Variants in DST observed in about 807,000 individuals in gnomAD.
DST encodes the protein bullous pemphigoid antigen.
DST carries 253 observed loss-of-function variants against 875.2 expected under a neutral mutation model. The ratio of observed to expected loss-of-function variants is 0.29; its 90% CI spans 0.26 to 0.32. The LOEUF is 0.32. Among genes scored for constraint, DST ranks in the 10% least tolerant of loss-of-function variants. The pLI is 1.00. For synonymous variants in DST, 3,124 were observed against 3,197.1 expected (o/e 0.98, Z 0.77); for missense variants, 8,287 against 9,111.6 (o/e 0.91, Z 3.68).
In DST at chr6:56,592,257, G is replaced by A. The variant is rs1315598819; in HGVS notation, c.12828C>T (p.Ala4276=). The part of the protein sequence containing the change: ...GLLAGLQACE[A]TASKHLSEPI... ...GTTCAGATAAGTGTTTGCTCGCTGT[G>A]GCCTCACAGGCCTGGAGTCCAGCAA... Residue 4276 remains alanine (A), a synonymous_variant, in exon 49 of 104, where the codon GCC becomes GCT. Coordinates refer to ENST00000680361, the MANE Select transcript of DST (RefSeq NM_001374736.1). 3 of 1,612,926 alleles carry A rather than the reference G, an allele frequency of 1.9e-6. No homozygotes were observed. Among genetic ancestry groups the A allele is most frequent in the African/African-American group, 2.7e-5 (2 of 74,888 alleles).
intron 4 of DST, among the ~76,000 whole-genome samples, chr6:56,834,054 C>G (rs760913254): frequency 6.6e-6 from 1 of 152,048 alleles, no homozygotes; most frequent in Non-Finnish European, 1.5e-5. Context: ...ATAGCAAGAC[C>G]CTGTCTCTAT....
At chr6:56,938,843 A>G (rs59797084) in intron 2 of DST, among the ~76,000 whole-genome samples, 31,591 of 152,186 alleles carry the variant, frequency 0.21, 3,642 homozygotes, top group Middle Eastern at 0.26. Flanking sequence ...GAGGAAAACC[A>G]TGAGTCAGCC....
intron 50 of DST, 149 bp from the exon 51 acceptor site, chr6:56,574,036 C>T (rs1562896732): frequency 7.2e-6 from 4 of 554,264 alleles, no homozygotes; most frequent in South Asian, 3.3e-5. Flanking sequence ...ATAATCAGAA[C>T]ACCACCTAAA....
At chr6:56,692,483 G>A (rs1182541038) in intron 9 of DST, 3 of 1,289,300 alleles carry the variant, frequency 2.3e-6, no homozygotes, top group Non-Finnish European at 2.0e-6. Flanking sequence ...GTTGCATGAG[G>A]GCAAAATCTC....
chr6:56,603,254 A>G lies in DST; in HGVS notation c.11108T>C (p.Val3703Ala), dbSNP rs1361803703. The G allele has an allele frequency of 2.5e-6, 4 of 1,608,640 alleles. No homozygotes were observed. Among genetic ancestry groups the G allele is most frequent in the East Asian group, 4.5e-5 (2 of 44,716 alleles). The change falls in exon 42 of 104, where the codon GTG becomes GCG. Residue 3703 changes from valine to alanine, a missense_variant. Val to Ala is a moderately conservative substitution (Grantham distance 64, BLOSUM62 0). Around this residue, in one of 10 missense-constraint regions of DST, gnomAD observed 3,138 missense variants for 3,116.6 expected, o/e 1.01. Coordinates refer to ENST00000680361, the MANE Select transcript of DST (RefSeq NM_001374736.1). ...GATCTGTTTCGTTCTTTCTGAAGAC[A>G]CGTTGCTGAGGGAAGAGAAGGCGGT... ...LKTAFSSLSN[V>A]SSERTKQIML... is the part of the protein sequence containing the mutation.
chr6:56,597,800 A>G lies in DST; in HGVS notation c.12135T>C (p.Asp4045=), dbSNP rs2098405870. ...GAGTGGTTCCAACTTGCCCATCAAC[A>G]TCAGTCTCCAACAGGTTACCATTAA... The part of the protein sequence containing the change: ...DEVNGNLLET[D]VDGQVGTTQE... The change falls in exon 47 of 104, where the codon GAT becomes GAC. Residue 4045 remains aspartate (D), a synonymous_variant. Coordinates refer to ENST00000680361, the MANE Select transcript of DST (RefSeq NM_001374736.1). 3 of 1,613,808 alleles carry G rather than the reference A, an allele frequency of 1.9e-6. No homozygotes were observed.
chr6:56,742,654 G>A (rs533174575), intron 4 of DST, among the ~76,000 whole-genome samples: 7 of 151,922 alleles, frequency 4.6e-5, no homozygotes, highest in East Asian at 3.9e-4. Flanking sequence ...GCAATGAGGC[G>A]AACCAATAGG....
At chr6:56,498,616 A>G (rs1266623767) in intron 80 of DST, among the ~76,000 whole-genome samples, 2 of 152,178 alleles carry the variant, frequency 1.3e-5, no homozygotes, top group Non-Finnish European at 2.9e-5. Context: ...TTTAATTCTC[A>G]TGTCAAGTAA....
intron 85 of DST, among the ~76,000 whole-genome samples, chr6:56,491,815 G>A (rs2095755614): frequency 6.6e-6 from 1 of 152,140 alleles, no homozygotes; most frequent in Non-Finnish European, 1.5e-5. Context: ...GATAGCTTGT[G>A]AAGAAAGTCT....
chr6:56,543,242 A>T (rs995099009), intron 61 of DST, among the ~76,000 whole-genome samples: 1 of 152,234 alleles, frequency 6.6e-6, no homozygotes, highest in Non-Finnish European at 1.5e-5. Flanking sequence ...ACACTGAAGA[A>T]TCTGATGCTT....
At chr6:56,866,295 G>C (rs1774070428) in intron 3 of DST, among the ~76,000 whole-genome samples, 1 of 152,218 alleles carries the variant, frequency 6.6e-6, no homozygotes, top group African/African-American at 2.4e-5. Context: ...ACCATGCCCA[G>C]CCAGAGCTAT....
intron 81 of DST, 111 bp from the exon 82 acceptor site, chr6:56,497,618 C>A (rs2095964492): frequency 7.6e-7 from 1 of 1,319,020 alleles, no homozygotes; most frequent in African/African-American, 1.5e-5. Flanking sequence ...TTCTTAAGAA[C>A]AGCCAGGTAC....
At chr6:56,854,582 A>T (rs1230756288) in intron 3 of DST, among the ~76,000 whole-genome samples, 1 of 152,220 alleles carries the variant, frequency 6.6e-6, no homozygotes, top group Non-Finnish European at 1.5e-5. Context: ...GTGTGCATGT[A>T]CATGTAATAG....
chr6:56,552,571 G>C lies in DST; in HGVS notation c.16221C>G (p.Ser5407Arg), dbSNP rs1023268228. The C allele has an allele frequency of 1.2e-6, 2 of 1,614,008 alleles. No individual in the cohort carries two copies. The highest frequency in any genetic ancestry group is 1.3e-5 in the African/African-American group (1 of 75,046). ...QFAEFDDELD[S>R]MAPVGRDAET... ...CTGCATCTCTCCCCACTGGAGCCAT[G>C]CTATCCAGTTCATCATCAAACTCTG... The change falls in exon 61 of 104, where the codon AGC (serine) becomes AGG (arginine). Residue 5407 changes from serine (S) to arginine (R), a missense_variant. Physicochemically the swap from Ser to Arg is moderately radical, Grantham distance 110. Coordinates refer to ENST00000680361, the MANE Select transcript of DST (RefSeq NM_001374736.1).
At position 56,616,996 on chromosome 6, in the gene DST, G is replaced by C. The variant is rs774196676; in HGVS notation, c.4930-2512C>G. Reference sequence around the variant, plus strand: ...CCATTTTGTCTATTATGATTCTCTCGGCCGCTGAGGCAAATGAAATCTTTT... The same window carrying C: ...CCATTTTGTCTATTATGATTCTCTCCGCCGCTGAGGCAAATGAAATCTTTT... On this transcript the variant is annotated intron_variant, in intron 36 of 103. Coordinates refer to ENST00000680361, the MANE Select transcript of DST (RefSeq NM_001374736.1). The C allele has an allele frequency of 1.8e-5, 29 of 1,609,552 alleles. No homozygotes were observed. Among genetic ancestry groups the C allele is most frequent in the Non-Finnish European group, 2.5e-5 (29 of 1,177,252 alleles).
At chr6:56,664,855 A>T (rs2099064295) in intron 10 of DST, among the ~76,000 whole-genome samples, 1 of 152,136 alleles carries the variant, frequency 6.6e-6, no homozygotes, top group African/African-American at 2.4e-5. Flanking sequence ...TATTATTTGA[A>T]ACTTTTCCAC....
intron 4 of DST, among the ~76,000 whole-genome samples, chr6:56,736,029 T>G (rs1278709320): frequency 7.0e-6 from 1 of 143,346 alleles, no homozygotes; most frequent in African/African-American, 2.9e-5. Flanking sequence ...CAGCTAATTT[T>G]TTTGTTTGTT....
In DST at chr6:56,954,594, G is replaced by C. The variant is rs746624536; in HGVS notation, c.-7C>G. The C allele has an allele frequency of 7.4e-7, 1 of 1,348,828 alleles. No homozygotes were observed. Among genetic ancestry groups the C allele is most frequent in the Non-Finnish European group, 9.9e-7 (1 of 1,012,862 alleles). 83.6% of individuals were successfully genotyped at this position (1,348,828 alleles called of 1,614,324 possible). A position where few individuals can be genotyped will look rare whatever the true frequency, so the allele number is the denominator to read the frequency against. ...GGAAAGCCGCGGCGATCATGGTGCG[G>C]GCGAGGCGAGGGCGACTCGACGGCG... On this transcript the variant is annotated 5_prime_UTR_variant, in exon 1 of 104. Transcript: ENST00000680361.
At position 56,464,697 on chromosome 6, in the gene DST, G is replaced by C. The variant is rs764392833; in HGVS notation, c.22747C>G (p.Gln7583Glu). The C allele has an allele frequency of 6.3e-7, 1 of 1,598,146 alleles. No homozygotes were observed. The highest frequency in any genetic ancestry group is 1.1e-5 in the South Asian group (1 of 87,848). ...SESNSSITTT[Q>E]PTIAKGRTNM... is the part of the protein sequence containing the mutation. ...AGAGGTTGCCAACCTATAGTAGGCT[G>C]AGTAGTAGTAATTGAAGAGTTTGAT... Residue 7583 changes from glutamine (Q) to glutamate (E), a missense_variant, in exon 100 of 104, where the codon CAG (glutamine) becomes GAG (glutamate). Coordinates refer to ENST00000680361, the MANE Select transcript of DST (RefSeq NM_001374736.1).
Sources: allele counts gnomAD v4.1 joint callset (sites outside exome capture counted in the v4.1 genomes callset), GRCh38; gene constraint gnomAD v4.1.1; regional missense constraint gnomAD v4.1.1; transcripts MANE v1.5; gene names NCBI Gene and HGNC (gene_info 2026-07-23, HGNC 2026-07-21).